The following ZNF654 variants were observed in gnomAD, a reference collection of about 807,000 sequenced individuals.
ZNF654 encodes zinc finger protein 654.
Under a neutral mutation model 95.3 loss-of-function variants are expected in ZNF654, and 19 were observed. That is an observed-to-expected ratio of 0.20 (90% confidence interval 0.14 to 0.29). The LOEUF is 0.29. ZNF654 is among the 10% of genes least tolerant of loss of function. The probability of loss-of-function intolerance (pLI) is 1.00; values close to 1 mark genes in which losing one functional copy is unlikely to be tolerated. For missense variants in ZNF654, 1,046 were observed against 1,341.0 expected (o/e 0.78, Z 3.44); for synonymous variants, 413 against 457.9 (o/e 0.90, Z 1.25).
chr3:88,089,347 C>T (rs2107673246), intron 2 of ZNF654, among the ~76,000 whole-genome samples: 1 of 151,710 alleles, frequency 6.6e-6, no homozygotes, highest in South Asian at 2.1e-4. Flanking sequence ...AAAAATTAGC[C>T]AGGCGTGGTG....
intron 6 of ZNF654, among the ~76,000 whole-genome samples, chr3:88,132,568 A>G (rs1340505619): frequency 3.9e-5 from 6 of 152,218 alleles, no homozygotes; most frequent in Non-Finnish European, 8.8e-5. Context: ...AAATCCAATC[A>G]AAATGGAGCT....
At chr3:88,078,085 CTT>C (rs1356276316) in intron 1 of ZNF654, among the ~76,000 whole-genome samples, 2 of 152,168 alleles carry the variant, frequency 1.3e-5, no homozygotes, top group Admixed American at 1.3e-4. Flanking sequence ...GTATAATACT[CTT>C]TACATTTCAA....
intron 2 of ZNF654, among the ~76,000 whole-genome samples, chr3:88,107,757 A>C (rs1156653996): frequency 6.6e-6 from 1 of 152,120 alleles, no homozygotes; most frequent in East Asian, 1.9e-4. Context: ...CATCCATAAG[A>C]TCTGCCTGTT....
intron 2 of ZNF654, among the ~76,000 whole-genome samples, chr3:88,091,691 C>T (rs1051559242): frequency 8.5e-5 from 13 of 152,088 alleles, no homozygotes; most frequent in African/African-American, 2.9e-4. Context: ...ATCATGGGGT[C>T]GGGTTTTTCC....
At chr3:88,092,126 T>A (rs1242308416) in intron 2 of ZNF654, among the ~76,000 whole-genome samples, 1 of 152,240 alleles carries the variant, frequency 6.6e-6, no homozygotes, top group African/African-American at 2.4e-5. Flanking sequence ...AAGTTAATTA[T>A]ATTTTCCATA....
chr3:88,126,577 ATCTTT>A (rs1415247140), intron 4 of ZNF654, among the ~76,000 whole-genome samples: 1 of 105,476 alleles, frequency 9.5e-6, no homozygotes, highest in African/African-American at 3.3e-5. Context: ...AAGTAGAAAC[ATCTTT>A]TTTTTTTTTT....
At chr3:88,128,542 A>T (rs999328300) in intron 4 of ZNF654, among the ~76,000 whole-genome samples, 165 of 151,842 alleles carry the variant, frequency 1.1e-3, no homozygotes, top group Admixed American at 3.1e-3. Flanking sequence ...AAGAAAAAAA[A>T]TTTTTTTTTA....
intron 2 of ZNF654, among the ~76,000 whole-genome samples, chr3:88,088,006 A>G (rs769818810): frequency 3.3e-5 from 5 of 152,260 alleles, no homozygotes; most frequent in Non-Finnish European, 5.9e-5. Flanking sequence ...CAGTAAGTAT[A>G]AATACAAATA....
intron 3 of ZNF654, among the ~76,000 whole-genome samples, chr3:88,115,162 G>A (rs182212596): frequency 5.3e-4 from 80 of 152,234 alleles, no homozygotes; most frequent in Non-Finnish European, 5.3e-4. Flanking sequence ...AGTAGTTGTG[G>A]GAGGGGACCT....
At chr3:88,067,631 A>C (rs528214580) in intron 1 of ZNF654, among the ~76,000 whole-genome samples, 1 of 152,286 alleles carries the variant, frequency 6.6e-6, no homozygotes, top group South Asian at 2.1e-4. Context: ...AAGGAAAGAG[A>C]ATGTTTTAGG....
chr3:88,120,156 A>G (rs908750732), intron 3 of ZNF654, among the ~76,000 whole-genome samples: 4 of 152,166 alleles, frequency 2.6e-5, no homozygotes, highest in Admixed American at 2.0e-4. Flanking sequence ...AAAAATTATT[A>G]ATCCAATTCC....
At chr3:88,088,524 T>C (rs887766758) in intron 2 of ZNF654, among the ~76,000 whole-genome samples, 1 of 152,092 alleles carries the variant, frequency 6.6e-6, no homozygotes, top group Non-Finnish European at 1.5e-5. Flanking sequence ...GAAAATATGA[T>C]GGTTAAAATT....
At chr3:88,136,144 G>A (rs1295525678) in intron 7 of ZNF654, among the ~76,000 whole-genome samples, 1 of 152,086 alleles carries the variant, frequency 6.6e-6, no homozygotes, top group East Asian at 1.9e-4. Flanking sequence ...AACATTTGAT[G>A]TGCATCAGAA....
rs147305046 is a variant in ZNF654 at position 88,093,333 on chromosome 3, A to G, written c.332+6931A>G. 2.7e-3 allele frequency among the ~76,000 whole-genome samples: 414 copies of G among 152,292 alleles called. 2 individuals are homozygous for G. The highest frequency in any genetic ancestry group is 8.6e-3 in the African/African-American group (356 of 41,562). ...ACTTTATAAGTTTTACATAAAAGAA[A>G]AGCAAATTGTAATGCTGCCTTCACA... On this transcript the variant is annotated intron_variant, in intron 2 of 8. Coordinates refer to ENST00000636215, the MANE Select transcript of ZNF654 (RefSeq NM_001350134.2).
intron 1 of ZNF654, among the ~76,000 whole-genome samples, chr3:88,078,454 G>T (rs969465810): frequency 5.9e-5 from 9 of 152,098 alleles, no homozygotes; most frequent in African/African-American, 2.2e-4. Flanking sequence ...GGTAGGGGGT[G>T]GGACAGGAAG....
chr3:88,103,497 G>GTA (rs1260267170), intron 2 of ZNF654, among the ~76,000 whole-genome samples: 1 of 152,110 alleles, frequency 6.6e-6, no homozygotes, highest in African/African-American at 2.4e-5. Context: ...ATCTAAAACT[G>GTA]TATAACATGT....
intron 7 of ZNF654, among the ~76,000 whole-genome samples, chr3:88,136,652 A>T (rs1026218605): frequency 3.9e-5 from 6 of 152,144 alleles, no homozygotes; most frequent in Admixed American, 3.9e-4. Flanking sequence ...GTAGCAGAGA[A>T]ATATGGGGAA....
chr3:88,100,922 C>G (rs1167993069), intron 2 of ZNF654, among the ~76,000 whole-genome samples: 1 of 152,184 alleles, frequency 6.6e-6, no homozygotes, highest in South Asian at 2.1e-4. Flanking sequence ...AACAAACCTG[C>G]ACGTTGTGCA....
chr3:88,074,038 G>T (rs1246577013), intron 1 of ZNF654, among the ~76,000 whole-genome samples: 1 of 152,190 alleles, frequency 6.6e-6, no homozygotes, highest in Non-Finnish European at 1.5e-5. Context: ...GTTTTAATTT[G>T]AGCTTTGGTA....
Sources: gnomAD v4.1 joint callset for allele counts (sites outside exome capture counted in the v4.1 genomes callset) on GRCh38, gnomAD v4.1.1 for gene constraint, MANE v1.5 for transcripts, NCBI Gene and HGNC (gene_info 2026-07-23, HGNC 2026-07-21) for gene names.